CNOT6L: variants seen among roughly 807,000 people sequenced by gnomAD.
CNOT6L encodes CCR4-NOT transcription complex subunit 6 like, also known as CCR4-NOT transcription complex subunit 6-like.
In CNOT6L, 7 loss-of-function variants were observed where a neutral mutation model predicts 64.0. The ratio of observed to expected loss-of-function variants is 0.11; its 90% CI spans 0.06 to 0.21. The LOEUF is 0.21. CNOT6L is among the 10% of genes least tolerant of loss of function. CNOT6L has a pLI of 1.00. For missense variants in CNOT6L, 245 were observed against 669.0 expected, an observed-to-expected ratio of 0.37 and a Z score of 6.99; for synonymous variants, 193 against 243.4, an observed-to-expected ratio of 0.79 and a Z score of 1.93.
rs763307096 is a variant in CNOT6L, at chr4:77,748,321, G to A, written c.554C>T (p.Pro185Leu). 1.8e-5 allele frequency: 29 copies of A among 1,603,648 alleles called. No homozygotes were observed. The highest frequency in any genetic ancestry group is 3.4e-4 in the Middle Eastern group (2 of 5,824). ...GAATAAGAAAAACTATTTACCTGAC[G>A]GCAGAATTTGGTCTCGTTCTTTTAA... Reference protein sequence around the residue: ...ITLKERDQILPSASFTVMCYN... With the variant: ...ITLKERDQILLSASFTVMCYN... The change falls in exon 6 of 12, where the codon CCG (proline) becomes CTG (leucine). Residue 185 changes from proline to leucine, a missense_variant. This residue lies in a region of CNOT6L where 94 missense variants were observed against 290.9 expected (regional missense o/e 0.32). Coordinates refer to ENST00000504123, the MANE Select transcript of CNOT6L (RefSeq NM_144571.3).
chr4:77,759,425 C>T (rs557236965), intron 4 of CNOT6L, among the ~76,000 whole-genome samples: 2 of 151,968 alleles, frequency 1.3e-5, no homozygotes, highest in South Asian at 2.1e-4. Context: ...ATTAGCCAGG[C>T]GTGGTTGCGG....
intron 1 of CNOT6L, among the ~76,000 whole-genome samples, chr4:77,808,499 G>A (rs1732516372): frequency 6.6e-6 from 1 of 150,494 alleles, no homozygotes; most frequent in Non-Finnish European, 1.5e-5. Flanking sequence ...GAAAAGAAGA[G>A]AAGCTTGCTG....
chr4:77,805,877 T>G (rs1247159426), intron 1 of CNOT6L, among the ~76,000 whole-genome samples: 3 of 152,100 alleles, frequency 2.0e-5, no homozygotes, highest in African/African-American at 7.2e-5. Flanking sequence ...TATTCAAGCA[T>G]AAAGTAAGCA....
intron 4 of CNOT6L, among the ~76,000 whole-genome samples, chr4:77,764,828 A>C (rs971227597): frequency 1.3e-5 from 2 of 152,184 alleles, no homozygotes; most frequent in African/African-American, 4.8e-5. Flanking sequence ...GTTCAGCATG[A>C]AGAAGTTACA....
At chr4:77,756,286 T>C (rs1019333296) in intron 5 of CNOT6L, among the ~76,000 whole-genome samples, 1 of 152,178 alleles carries the variant, frequency 6.6e-6, no homozygotes, top group Non-Finnish European at 1.5e-5. Context: ...AGCCACCACA[T>C]CCAGCCTGGT....
chr4:77,758,528 A>G (rs1458390818), intron 4 of CNOT6L, among the ~76,000 whole-genome samples: 2 of 152,202 alleles, frequency 1.3e-5, no homozygotes, highest in East Asian at 3.8e-4. Flanking sequence ...AAAAGCTGTC[A>G]CTCCTGTCCT....
intron 7 of CNOT6L, 83 bp from the exon 8 acceptor site, chr4:77,742,378 G>A: frequency 8.2e-7 from 1 of 1,225,210 alleles, no homozygotes; most frequent in Non-Finnish European, 1.2e-6. Flanking sequence ...TTATGAGTAA[G>A]ATGTAACTTA....
intron 1 of CNOT6L, among the ~76,000 whole-genome samples, chr4:77,811,205 A>C (rs1732890576): frequency 6.6e-6 from 1 of 152,212 alleles, no homozygotes; most frequent in African/African-American, 2.4e-5. Flanking sequence ...AGATCAGTAA[A>C]AGATTAAGTG....
chr4:77,760,383 A>G (rs1402025919), intron 4 of CNOT6L, among the ~76,000 whole-genome samples: 1 of 152,048 alleles, frequency 6.6e-6, no homozygotes, highest in African/African-American at 2.4e-5. Flanking sequence ...TCAAAAAATA[A>G]AAGTATAATT....
intron 7 of CNOT6L, 182 bp from the exon 8 acceptor site, chr4:77,742,477 G>C (rs745781134): frequency 4.5e-6 from 3 of 668,552 alleles, no homozygotes; most frequent in South Asian, 1.6e-5. Flanking sequence ...TTTTAAACAT[G>C]AAAGAACCAG....
chr4:77,819,035 C>T (rs1223365620), intron 1 of CNOT6L: 3 of 671,804 alleles, frequency 4.5e-6, no homozygotes, highest in African/African-American at 3.7e-5. Context: ...GGGTCCCGGC[C>T]CCGGGCCACC....
intron 5 of CNOT6L, among the ~76,000 whole-genome samples, chr4:77,755,218 CAA>C (rs1725396600): frequency 1.6e-5 from 2 of 126,826 alleles, no homozygotes; most frequent in Admixed American, 8.6e-5. Context: ...TCTATAGAGA[CAA>C]GAGTTTTTTT....
chr4:77,721,996 AAAAG>A (rs1371226715), intron 11 of CNOT6L, among the ~76,000 whole-genome samples: 5 of 152,022 alleles, frequency 3.3e-5, no homozygotes, highest in Non-Finnish European at 5.9e-5. Flanking sequence ...AAGAAAAAAA[AAAAG>A]AAGCCCTTAT....
rs1727124850 is a variant in CNOT6L at position 77,768,474 on chromosome 4, A to ATATATAT, written c.400+4606_400+4607insATATATA. 3.8e-3 allele frequency among the ~76,000 whole-genome samples: 49 copies of ATATATAT among 13,050 alleles called. 1 individual carries two copies. The highest frequency in any genetic ancestry group is 6.2e-3 in the African/African-American group (40 of 6,438). The allele number at this position is 13,050 out of a possible 152,430, so 8.6% of individuals were successfully genotyped here. On this transcript the variant is annotated intron_variant, in intron 4 of 11. Coordinates refer to ENST00000504123, the MANE Select transcript of CNOT6L (RefSeq NM_144571.3). ...AGTGAGACTCTGTCTAAAATAAATAAATATATATATATATATATATATATA... is the reference window on the plus strand; with the variant it reads ...AGTGAGACTCTGTCTAAAATAAATAATATATATATATATATATATATATATATATATA...
At chr4:77,819,473 T>G, upstream of CNOT6L, 5 of 1,360,660 alleles carry the variant, frequency 3.7e-6, no homozygotes, top group Non-Finnish European at 3.0e-6. Context: ...CGGGCCTCGC[T>G]CCCGCCCGCC....
chr4:77,752,566 A>C (rs1724972686), intron 5 of CNOT6L, among the ~76,000 whole-genome samples: 1 of 152,146 alleles, frequency 6.6e-6, no homozygotes, highest in African/African-American at 2.4e-5. Context: ...ACCTATGACA[A>C]AGAAAACTGG....
At position 77,801,761 on chromosome 4, in the gene CNOT6L, G is replaced by A. The variant is rs144447541; in HGVS notation, c.5+17543C>T. Among the ~76,000 whole-genome samples the A allele has an allele frequency of 4.3e-3, 610 of 143,294 alleles. 3 individuals carry two copies. Among genetic ancestry groups the A allele is most frequent in the African/African-American group, 0.016 (599 of 38,100 alleles). The allele number at this position is 143,294 out of a possible 152,430, so 94.0% of individuals were successfully genotyped here. A position where few individuals can be genotyped will look rare whatever the true frequency, so the allele number is the denominator to read the frequency against. ...CCATTATAAGCCATGCACCTTGCAT[G>A]TGCCTGTAGTCCCAGCTACTCAGAA... is the stretch of plus-strand genomic sequence containing the variant. On this transcript the variant is annotated intron_variant, in intron 1 of 11. Coordinates refer to ENST00000504123, the MANE Select transcript of CNOT6L (RefSeq NM_144571.3).
intron 1 of CNOT6L, among the ~76,000 whole-genome samples, chr4:77,816,880 T>C (rs1226691271): frequency 6.6e-6 from 1 of 152,182 alleles, no homozygotes; most frequent in Non-Finnish European, 1.5e-5. Context: ...TGACATTATT[T>C]TTTCCACACA....
At chr4:77,744,167 CAG>C (rs925325597) in intron 7 of CNOT6L, among the ~76,000 whole-genome samples, 11 of 152,052 alleles carry the variant, frequency 7.2e-5, no homozygotes, top group African/African-American at 2.7e-4. Context: ...TTTGAAGCAA[CAG>C]AACACATTTC....
Sources: allele counts gnomAD v4.1 joint callset (sites outside exome capture counted in the v4.1 genomes callset), GRCh38; gene constraint gnomAD v4.1.1; regional missense constraint gnomAD v4.1.1; transcripts MANE v1.5; gene names NCBI Gene and HGNC (gene_info 2026-07-23, HGNC 2026-07-21).